INPP4B: variants seen among roughly 807,000 people sequenced by gnomAD.
INPP4B encodes inositol polyphosphate 4-phosphatase type II.
A neutral mutation model predicts 122.5 loss-of-function variants in INPP4B; 55 were observed. The ratio of observed to expected loss-of-function variants is 0.45; its 90% CI spans 0.36 to 0.56. INPP4B has a LOEUF of 0.56. Ranked by LOEUF, INPP4B falls within the 20% of genes least tolerant of loss-of-function variation. The probability of loss-of-function intolerance (pLI) is 0.00; values close to 1 mark genes in which losing one functional copy is unlikely to be tolerated. For missense variants in INPP4B, 1,000 were observed against 1,097.7 expected (o/e 0.91, Z 1.26); for synonymous variants, 403 against 388.7 (o/e 1.04, Z -0.43).
At position 142,580,597 on chromosome 4, in the gene INPP4B, C is replaced by T. The variant is rs149755929; in HGVS notation, c.-190-117871G>A. ...TGAACCCAACACAGGTTACAAAGAA[C>T]GTGTTTATGTGGTCCATTTTTGGTG... On this transcript the variant is annotated intron_variant, in intron 2 of 25. Transcript: ENST00000262992. Among the ~76,000 whole-genome samples the T allele has an allele frequency of 3.3e-3, 500 of 152,018 alleles. 7 individuals are homozygous for T. Among genetic ancestry groups the T allele is most frequent in the East Asian group, 0.018 (93 of 5,144 alleles).
intron 2 of INPP4B, among the ~76,000 whole-genome samples, chr4:142,570,703 C>T (rs564773079): frequency 6.6e-6 from 1 of 151,800 alleles, no homozygotes; most frequent in East Asian, 1.9e-4. Context: ...TTTCAAATAA[C>T]AAAATGCTTT....
At chr4:142,676,182 C>CA (rs1757739012) in intron 2 of INPP4B, among the ~76,000 whole-genome samples, 1 of 152,138 alleles carries the variant, frequency 6.6e-6, no homozygotes, top group South Asian at 2.1e-4. Flanking sequence ...GCAAAAATCA[C>CA]AAGCATTCCT....
At chr4:142,624,646 T>C (rs1488793482) in intron 2 of INPP4B, among the ~76,000 whole-genome samples, 2 of 152,084 alleles carry the variant, frequency 1.3e-5, no homozygotes, top group Non-Finnish European at 2.9e-5. Flanking sequence ...AGCATCATCC[T>C]GATACCAAAG....
At chr4:142,130,871 GC>G (rs1277751252) in intron 18 of INPP4B, among the ~76,000 whole-genome samples, 3 of 152,160 alleles carry the variant, frequency 2.0e-5, no homozygotes, top group Admixed American at 2.0e-4. Flanking sequence ...AACCCTGCCA[GC>G]CTGAGAACAC....
chr4:142,164,301 T>C (rs1821606172), intron 16 of INPP4B, among the ~76,000 whole-genome samples: 1 of 151,840 alleles, frequency 6.6e-6, no homozygotes, highest in African/African-American at 2.4e-5. Flanking sequence ...GTAAATAAAG[T>C]TCTATTCTAC....
At chr4:142,186,135 C>G (rs1254566117) in intron 15 of INPP4B, among the ~76,000 whole-genome samples, 1 of 152,064 alleles carries the variant, frequency 6.6e-6, no homozygotes, top group Non-Finnish European at 1.5e-5. Flanking sequence ...TTTACATGCA[C>G]TAAATTGAGA....
chr4:142,713,186 C>T (rs187261435), intron 2 of INPP4B, among the ~76,000 whole-genome samples: 63 of 152,246 alleles, frequency 4.1e-4, no homozygotes, highest in Non-Finnish European at 7.3e-5. Context: ...GCTGGGTTAA[C>T]AGGGTAGATG....
chr4:142,457,590 C>A (rs1345491385), intron 3 of INPP4B, among the ~76,000 whole-genome samples: 1 of 152,146 alleles, frequency 6.6e-6, no homozygotes, highest in South Asian at 2.1e-4. Flanking sequence ...CAACAGAGAA[C>A]TATCACTACA....
intron 5 of INPP4B, among the ~76,000 whole-genome samples, chr4:142,417,326 T>C (rs113318338): frequency 1.2e-3 from 187 of 152,262 alleles, no homozygotes; most frequent in Admixed American, 3.2e-3. Flanking sequence ...TTGGCAGTTC[T>C]TACTTGCTCT....
chr4:142,749,093 T>C (rs1769233006), intron 1 of INPP4B, among the ~76,000 whole-genome samples: 1 of 150,974 alleles, frequency 6.6e-6, no homozygotes. Context: ...TAGCCAAGAT[T>C]GTGCCACTGC....
chr4:142,184,153 C>T (rs1344824211), intron 15 of INPP4B, among the ~76,000 whole-genome samples: 2 of 152,162 alleles, frequency 1.3e-5, no homozygotes, highest in Non-Finnish European at 2.9e-5. Context: ...TATAGTGCCT[C>T]TTGCCTAAAT....
chr4:142,558,809 AAAAAAAAAAAAAAAG>A (rs1317689477), intron 2 of INPP4B, among the ~76,000 whole-genome samples: 6 of 150,040 alleles, frequency 4.0e-5, no homozygotes, highest in Non-Finnish European at 8.9e-5. Context: ...AAAAAAAAAA[AAAAAAAAAAAAAAAG>A]AAGCTCAATT....
intron 2 of INPP4B, among the ~76,000 whole-genome samples, chr4:142,503,156 G>A (rs1823604314): frequency 6.6e-6 from 1 of 152,020 alleles, no homozygotes; most frequent in South Asian, 2.1e-4. Flanking sequence ...TGTGTATAAA[G>A]AAAATGCTTG....
chr4:142,626,755 T>C (rs953478017), intron 2 of INPP4B, among the ~76,000 whole-genome samples: 11 of 152,044 alleles, frequency 7.2e-5, no homozygotes, highest in Non-Finnish European at 2.9e-5. Context: ...TCACTCTGTC[T>C]TTCTACTTGA....
intron 2 of INPP4B, among the ~76,000 whole-genome samples, chr4:142,720,789 C>CTA (rs1764493262): frequency 9.0e-5 from 2 of 22,276 alleles, no homozygotes; most frequent in African/African-American, 1.5e-4. Flanking sequence ...CTCTCTCTCT[C>CTA]TCTCTCTCTC....
Position 142,615,464 on chromosome 4 carries a change from A to G in INPP4B, c.-191+110375T>C, listed in dbSNP as rs570657882. On this transcript the variant is annotated intron_variant, in intron 2 of 25. Transcript: ENST00000262992. The stretch of plus-strand genomic sequence containing the variant: ...GGAGTCAGCAGAAAGGAATGTTTTA[A>G]GTTAAGATAAGGAAGTCTGTTAACC... Among the ~76,000 whole-genome samples, 9 of 152,300 alleles carry G rather than the reference A, an allele frequency of 5.9e-5. No homozygotes were observed. The South Asian group carries it at 1.2e-3, about 21-fold the overall frequency.
intron 6 of INPP4B, 92 bp downstream of exon 6, chr4:142,405,114 G>A: frequency 1.5e-6 from 1 of 686,916 alleles, no homozygotes; most frequent in South Asian, 1.6e-5. Flanking sequence ...AGATGGGGCG[G>A]GGGTGGGGGG....
chr4:142,646,536 GATT>G (rs1751821593), intron 2 of INPP4B, among the ~76,000 whole-genome samples: 2 of 152,182 alleles, frequency 1.3e-5, no homozygotes, highest in South Asian at 4.1e-4. Flanking sequence ...ACTGGCAGTT[GATT>G]ATGAGGACAG....
At chr4:142,635,142 C>G (rs1361334882) in intron 2 of INPP4B, among the ~76,000 whole-genome samples, 4 of 151,968 alleles carry the variant, frequency 2.6e-5, no homozygotes, top group Admixed American at 2.6e-4. Flanking sequence ...AAATGCAAAT[C>G]AAAACCACTA....
Sources: allele counts gnomAD v4.1 joint callset (sites outside exome capture counted in the v4.1 genomes callset), GRCh38; gene constraint gnomAD v4.1.1; transcripts MANE v1.5; gene names NCBI Gene and HGNC (gene_info 2026-07-23, HGNC 2026-07-21).